Variants in ALX4 observed in about 807,000 individuals in gnomAD.
ALX4 encodes the protein ALX homeobox 4.
In ALX4, 22 loss-of-function variants were observed where a neutral mutation model predicts 40.6. The ratio of observed to expected loss-of-function variants is 0.54; its 90% CI spans 0.39 to 0.77. The LOEUF is 0.77. Ranked by LOEUF, ALX4 falls within the 30% of genes least tolerant of loss-of-function variation. The pLI is 0.00. For synonymous variants in ALX4, 266 were observed against 240.5 expected (o/e 1.11, Z -0.98); for missense variants, 556 against 564.8 (o/e 0.98, Z 0.16).
chr11:44,292,119 A>G (rs927745647), intron 1 of ALX4, among the ~76,000 whole-genome samples: 1 of 152,074 alleles, frequency 6.6e-6, no homozygotes, highest in African/African-American at 2.4e-5. Flanking sequence ...GCCTGGCCCA[A>G]ATATACTCAT....
chr11:44,275,012 C>T (rs1211911392), intron 2 of ALX4, among the ~76,000 whole-genome samples: 1 of 152,174 alleles, frequency 6.6e-6, no homozygotes, highest in African/African-American at 2.4e-5. Context: ...GACAAGTAAC[C>T]CTTCTCTGTG....
chr11:44,299,355 T>G (rs1316030449), intron 1 of ALX4, among the ~76,000 whole-genome samples: 1 of 99,126 alleles, frequency 1.0e-5, no homozygotes, highest in Admixed American at 1.5e-4. Context: ...GGGGCCATGG[T>G]TTTTTTTTTT....
At position 44,309,739 on chromosome 11, in the gene ALX4, C is replaced by T; in HGVS notation, c.324G>A (p.Gln108=). ...QPQPPPQPQP[Q]QQQPQPQPPA... ...GCGGCTGGGGCTGCGGCTGCTGCTGCTGCGGCTGCGGCTGCGGCGGCGGCT... is the reference window on the plus strand; with the variant it reads ...GCGGCTGGGGCTGCGGCTGCTGCTGTTGCGGCTGCGGCTGCGGCGGCGGCT... Residue 108 remains glutamine (Q), a synonymous_variant, in exon 1 of 4, where the codon CAG becomes CAA. Transcript: ENST00000652299. 6.5e-7 allele frequency: 1 copy of T among 1,535,036 alleles called. No individual in the cohort carries two copies. The highest frequency in any genetic ancestry group is 1.2e-5 in the South Asian group (1 of 84,468).
intron 2 of ALX4, among the ~76,000 whole-genome samples, chr11:44,275,023 T>C (rs1023644404): frequency 3.9e-5 from 6 of 152,156 alleles, no homozygotes; most frequent in African/African-American, 1.4e-4. Context: ...CTTCTCTGTG[T>C]GAAAGAGCCA....
intron 1 of ALX4, among the ~76,000 whole-genome samples, chr11:44,300,375 G>A (rs993092472): frequency 4.6e-5 from 7 of 152,228 alleles, no homozygotes; most frequent in African/African-American, 1.7e-4. Flanking sequence ...CCTCCTTGAA[G>A]TCAGAGGCCA....
At chr11:44,267,722 T>C in intron 2 of ALX4, 100 bp from the exon 3 acceptor site, 1 of 1,553,948 alleles carries the variant, frequency 6.4e-7, no homozygotes, top group Non-Finnish European at 8.8e-7. Flanking sequence ...CCCCATCAGT[T>C]GCAGTGCGTT....
chr11:44,284,062 G>A (rs370465894), intron 1 of ALX4, among the ~76,000 whole-genome samples: 114 of 152,232 alleles, frequency 7.5e-4, no homozygotes, highest in African/African-American at 2.6e-3. Flanking sequence ...AAAGGATAGC[G>A]TTTTAACACA....
chr11:44,262,737 C>T lies in ALX4; in HGVS notation c.*2117G>A, dbSNP rs1055728897. 1 of 152,282 alleles carries T rather than the reference C, an allele frequency of 6.6e-6. No homozygotes were observed. Among genetic ancestry groups the T allele is most frequent in the South Asian group, 2.1e-4 (1 of 4,826 alleles). The allele number at this position is 152,282 out of a possible 1,614,324, so 9.4% of individuals were successfully genotyped here. ...GTGAGAAAGACCCAAGGTGAAAGTT[C>T]CTTCCTTCCCCATCCTTCCTCAGCC... On this transcript the variant is annotated 3_prime_UTR_variant, in exon 4 of 4. Transcript: ENST00000652299.
At chr11:44,286,842 A>C (rs994302088) in intron 1 of ALX4, among the ~76,000 whole-genome samples, 1 of 152,144 alleles carries the variant, frequency 6.6e-6, no homozygotes, top group Admixed American at 6.5e-5. Flanking sequence ...GAAGGGACCC[A>C]CCAGTGTCAC....
At chr11:44,292,301 G>T (rs1049425882) in intron 1 of ALX4, among the ~76,000 whole-genome samples, 11 of 151,866 alleles carry the variant, frequency 7.2e-5, no homozygotes, top group African/African-American at 2.7e-4. Flanking sequence ...AACCTCCTGG[G>T]CTCAAGCAAT....
At chr11:44,309,538 G>C in intron 1 of ALX4, 59 bp downstream of exon 1, 2 of 1,531,730 alleles carry the variant, frequency 1.3e-6, no homozygotes, top group Non-Finnish European at 1.7e-6. Context: ...AGTTTCAAGG[G>C]ATGCGGAAGC....
intron 1 of ALX4, among the ~76,000 whole-genome samples, chr11:44,303,740 G>GTGCAACTAGGGGGCCGC (rs1956449338): frequency 6.6e-6 from 1 of 152,242 alleles, no homozygotes. Context: ...GCCAGGGCCG[G>GTGCAACTAGGGGGCCGC]TGCAACTAGG....
chr11:44,294,255 G>A lies in ALX4; in HGVS notation c.466+15342C>T, dbSNP rs899619999. ...CAGTCCAGGTGTGGCCAAGGGCAAT[G>A]CCCACCAGGTGCTTTCTTAATTGCA... On this transcript the variant is annotated intron_variant, in intron 1 of 3. Transcript: ENST00000652299. 2.6e-5 allele frequency among the ~76,000 whole-genome samples: 4 copies of A among 152,330 alleles called. 1 individual carries two copies. Among genetic ancestry groups the A allele is most frequent in the African/African-American group, 9.6e-5 (4 of 41,586 alleles).
intron 1 of ALX4, among the ~76,000 whole-genome samples, chr11:44,281,812 G>GGTA (rs1162121512): frequency 6.6e-6 from 1 of 152,140 alleles, no homozygotes; most frequent in African/African-American, 2.4e-5. Context: ...ATGCCAAAGG[G>GGTA]GTAGTAGTGA....
At position 44,307,135 on chromosome 11, in the gene ALX4, C is replaced by G. The variant is rs116310721; in HGVS notation, c.466+2462G>C. On this transcript the variant is annotated intron_variant, in intron 1 of 3. Coordinates refer to ENST00000652299, the MANE Select transcript of ALX4 (RefSeq NM_021926.4). Reference sequence around the variant, plus strand: ...GGGTGCTCTCGAGTTCCCAGCGGCTCGGAGATAGATAGGGATGGAAATGTG... The same window carrying G: ...GGGTGCTCTCGAGTTCCCAGCGGCTGGGAGATAGATAGGGATGGAAATGTG... 2.3e-3 allele frequency among the ~76,000 whole-genome samples: 277 copies of G among 118,712 alleles called. 1 individual carries two copies. Among genetic ancestry groups the G allele is most frequent in the African/African-American group, 8.2e-3 (256 of 31,042 alleles). The allele number at this position is 118,712 out of a possible 152,430, so 77.9% of individuals were successfully genotyped here.
Position 44,264,101 on chromosome 11 carries a change from T to C in ALX4, c.*753A>G. The C allele has an allele frequency of 6.5e-6, 1 of 152,692 alleles. No individual in the cohort carries two copies. The highest frequency in any genetic ancestry group is 1.5e-5 in the Non-Finnish European group (1 of 68,310). The allele number at this position is 152,692 out of a possible 1,614,324, so 9.5% of individuals were successfully genotyped here. ...ATCTGTGTTCTCAGCCTCCCTCAGG[T>C]CTGGCTCCTCCCCTATAGTGTCCAG... is the stretch of plus-strand genomic sequence containing the variant. On this transcript the variant is annotated 3_prime_UTR_variant, in exon 4 of 4. Transcript: ENST00000652299.
At chr11:44,274,286 A>ATTGTG (rs1047013208) in intron 2 of ALX4, among the ~76,000 whole-genome samples, 1 of 151,536 alleles carries the variant, frequency 6.6e-6, no homozygotes, top group African/African-American at 2.4e-5. Context: ...GTCAGGTTCC[A>ATTGTG]TTGTGTTGTG....
intron 1 of ALX4, among the ~76,000 whole-genome samples, chr11:44,301,058 G>C (rs1005370456): frequency 2.0e-5 from 3 of 152,246 alleles, no homozygotes; most frequent in Non-Finnish European, 4.4e-5. Flanking sequence ...TCTGCCTCTG[G>C]ACCTGAAGGC....
intron 1 of ALX4, among the ~76,000 whole-genome samples, chr11:44,293,622 T>C (rs1174890555): frequency 6.6e-6 from 1 of 152,234 alleles, no homozygotes; most frequent in African/African-American, 2.4e-5. Context: ...CTCATGGGGC[T>C]AAATCCTGGG....
Sources: gnomAD v4.1 joint callset for allele counts (sites outside exome capture counted in the v4.1 genomes callset) on GRCh38, gnomAD v4.1.1 for gene constraint, MANE v1.5 for transcripts, NCBI Gene and HGNC (gene_info 2026-07-23, HGNC 2026-07-21) for gene names.